The following SORCS2 variants were observed in gnomAD, a reference collection of about 807,000 sequenced individuals.
The protein encoded by SORCS2 is sortilin related VPS10 domain containing receptor 2.
SORCS2 carries 100 observed loss-of-function variants against 141.6 expected under a neutral mutation model. That is an observed-to-expected ratio of 0.71 (90% confidence interval 0.60 to 0.83). SORCS2 has a LOEUF of 0.83. Among genes scored for constraint, SORCS2 ranks in the 40% least tolerant of loss-of-function variants. The probability of loss-of-function intolerance (pLI) is 0.00; values close to 1 mark genes in which losing one functional copy is unlikely to be tolerated. For synonymous variants in SORCS2, 789 were observed against 676.9 expected, an observed-to-expected ratio of 1.17 and a Z score of -2.57; for missense variants, 1,646 against 1,560.2, an observed-to-expected ratio of 1.05 and a Z score of -0.93.
chr4:7,703,333 G>A lies in SORCS2; in HGVS notation c.1722G>A (p.Val574=). 6.2e-7 allele frequency: 1 copy of A among 1,613,406 alleles called. No individual in the cohort carries two copies. Among genetic ancestry groups the A allele is most frequent in the Non-Finnish European group, 8.5e-7 (1 of 1,179,670 alleles). The change falls in exon 13 of 27, where the codon GTG becomes GTA. Residue 574 remains valine, a synonymous_variant. Transcript: ENST00000507866. ...ACCTGGACCACGGCGGCGTGATCGT[G>A]GCCATCAAAGACACCTCCATCCCTT... ...ILYLDHGGVI[V]AIKDTSIPLK...
chr4:7,646,955 G>A (rs2108883638), intron 4 of SORCS2, among the ~76,000 whole-genome samples: 1 of 152,324 alleles, frequency 6.6e-6, no homozygotes, highest in East Asian at 1.9e-4. Flanking sequence ...TGCTACACCA[G>A]AGGGGGTTTG....
chr4:7,358,201 C>G (rs765765154), intron 1 of SORCS2, among the ~76,000 whole-genome samples: 62 of 152,186 alleles, frequency 4.1e-4, no homozygotes, highest in Admixed American at 6.5e-4. Context: ...TGTGGGTGAA[C>G]AGGCCAGCTG....
intron 2 of SORCS2, among the ~76,000 whole-genome samples, chr4:7,427,481 G>A (rs772758339): frequency 6.6e-6 from 1 of 152,168 alleles, no homozygotes; most frequent in Non-Finnish European, 1.5e-5. Context: ...GGGATGAGAC[G>A]GTGGCAGGGG....
intron 18 of SORCS2, among the ~76,000 whole-genome samples, chr4:7,720,247 C>T (rs770715415): frequency 1.3e-5 from 2 of 152,092 alleles, no homozygotes; most frequent in Non-Finnish European, 2.9e-5. Flanking sequence ...GGAATAAACC[C>T]ATATAAATAT....
At chr4:7,586,227 C>T (rs957217416) in intron 3 of SORCS2, among the ~76,000 whole-genome samples, 6 of 152,314 alleles carry the variant, frequency 3.9e-5, no homozygotes, top group Non-Finnish European at 7.3e-5. Flanking sequence ...CCTTCTGCCA[C>T]CTTCTGGGAG....
In SORCS2 at chr4:7,223,295, G is replaced by GCACACA. The variant is rs10553971; in HGVS notation, c.480+30187_480+30192dup. ...AAGAAAAGGACCTTAGTGTATATGC[G>GCACACA]CACACACACACACACACACACACTC... On this transcript the variant is annotated intron_variant, in intron 1 of 26. Transcript: ENST00000507866. Among the ~76,000 whole-genome samples, 591 of 129,742 alleles carry GCACACA rather than the reference G, an allele frequency of 4.6e-3. 1 individual carries two copies. Among genetic ancestry groups the GCACACA allele is most frequent in the Non-Finnish European group, 5.4e-3 (312 of 57,516 alleles). 85.1% of individuals were successfully genotyped at this position (129,742 alleles called of 152,430 possible).
rs192102940 is a variant in SORCS2, at chr4:7,664,415, G to A, written c.1015G>A (p.Ala339Thr). 127 of 1,613,882 alleles carry A rather than the reference G, an allele frequency of 7.9e-5. No homozygotes were observed. The highest frequency in any genetic ancestry group is 3.2e-4 in the Admixed American group (19 of 60,020). ...CSEKMLTAPF[A>T]GPIDHGSLTV... ...CGAGAAGATGCTGACAGCCCCATTC[G>A]CAGGCCCCATTGACCACGGGTCTCT... is the stretch of plus-strand genomic sequence containing the variant. Residue 339 changes from alanine (A) to threonine (T), a missense_variant, in exon 7 of 27, where the codon GCA becomes ACA. Coordinates refer to ENST00000507866, the MANE Select transcript of SORCS2 (RefSeq NM_020777.3). This position sits in a 1 kb window ranked among gnomAD's most constrained non-coding sequence, Gnocchi z 4.7.
At position 7,233,143 on chromosome 4, in the gene SORCS2, C is replaced by T. The variant is rs1184040752; in HGVS notation, c.480+40017C>T. 6.6e-6 allele frequency among the ~76,000 whole-genome samples: 1 copy of T among 152,128 alleles called. No individual in the cohort carries two copies. Among genetic ancestry groups the T allele is most frequent in the Non-Finnish European group, 1.5e-5 (1 of 68,004 alleles). On this transcript the variant is annotated intron_variant, in intron 1 of 26. Transcript: ENST00000507866. The surrounding 1 kb of genome is among the most constrained non-coding windows in gnomAD (Gnocchi z 4.5). ...GCTGGGCTGGGCACAGGCGAGTCCC[C>T]AAGGTACCCGAGGGAGGCCAGGTAC... is the stretch of plus-strand genomic sequence containing the variant.
chr4:7,599,795 A>C (rs559340583), intron 3 of SORCS2, among the ~76,000 whole-genome samples: 14 of 149,618 alleles, frequency 9.4e-5, no homozygotes, highest in Non-Finnish European at 1.2e-4. Flanking sequence ...GCTTCATCCT[A>C]AGAGCTGTGG....
At chr4:7,619,857 G>A (rs1023444445) in intron 3 of SORCS2, among the ~76,000 whole-genome samples, 1 of 152,184 alleles carries the variant, frequency 6.6e-6, no homozygotes, top group Non-Finnish European at 1.5e-5. Context: ...GTTCATGCGT[G>A]TGTGACGTGA....
At chr4:7,323,696 C>T (rs1298613349) in intron 1 of SORCS2, among the ~76,000 whole-genome samples, 1 of 152,114 alleles carries the variant, frequency 6.6e-6, no homozygotes, top group African/African-American at 2.4e-5. Flanking sequence ...TCAGCCCCAT[C>T]TTTCCCTGTC....
chr4:7,281,897 C>G (rs1715910697), intron 1 of SORCS2, among the ~76,000 whole-genome samples: 1 of 152,188 alleles, frequency 6.6e-6, no homozygotes, highest in Non-Finnish European at 1.5e-5. Flanking sequence ...ACCGCATTTT[C>G]CAGGACTCGT....
chr4:7,580,793 T>G (rs1257067692), intron 3 of SORCS2, among the ~76,000 whole-genome samples: 1 of 152,114 alleles, frequency 6.6e-6, no homozygotes, highest in African/African-American at 2.4e-5. Context: ...ATTTCTTCCA[T>G]CGTGTAAAAG....
At chr4:7,549,837 C>A (rs1713546367) in intron 3 of SORCS2, among the ~76,000 whole-genome samples, 1 of 152,196 alleles carries the variant, frequency 6.6e-6, no homozygotes, top group African/African-American at 2.4e-5. Context: ...CCAAGGGCAA[C>A]CATATAACAG....
rs539266801 is a variant in SORCS2 at position 7,466,846 on chromosome 4, G to C, written c.549-64684G>C. Among the ~76,000 whole-genome samples, 417 of 152,298 alleles carry C rather than the reference G, an allele frequency of 2.7e-3. 1 individual carries two copies. The highest frequency in any genetic ancestry group is 9.3e-3 in the African/African-American group (386 of 41,550). On this transcript the variant is annotated intron_variant, in intron 2 of 26. Transcript: ENST00000507866. ...GGCACTTGGGAGGTCCTGGAACCTG[G>C]TTGGACGCTGTCACTTGACCTCTAT... is the stretch of plus-strand genomic sequence containing the variant.
chr4:7,389,831 C>T (rs547972712), intron 1 of SORCS2, among the ~76,000 whole-genome samples: 9 of 152,212 alleles, frequency 5.9e-5, no homozygotes, highest in East Asian at 3.9e-4. Flanking sequence ...GTGCAGTCCG[C>T]GGTAGTGAGA....
At position 7,192,668 on chromosome 4, in the gene SORCS2, C is replaced by A. The variant is rs1204815698; in HGVS notation, c.22C>A (p.Arg8Ser). The A allele has an allele frequency of 2.0e-6, 2 of 987,580 alleles. No homozygotes were observed. The highest frequency in any genetic ancestry group is 9.0e-5 in the South Asian group (2 of 22,168). The allele number at this position is 987,580 out of a possible 1,614,324, so 61.2% of individuals were successfully genotyped here. The change falls in exon 1 of 27, where the codon CGC becomes AGC. Residue 8 changes from arginine (R) to serine (S), a missense_variant. By Grantham distance (110) the Arg-to-Ser change is moderately radical (BLOSUM62 -1). Coordinates refer to ENST00000507866, the MANE Select transcript of SORCS2 (RefSeq NM_020777.3). This position sits in a 1 kb window ranked among gnomAD's most constrained non-coding sequence, Gnocchi z 4.0. ...GACCATGGCGCACCGGGGGCCCTCG[C>A]GCGCCTCGAAGGGCCCCGGCCCCAC... Reference protein sequence around the residue: MAHRGPSRASKGPGPTAR... With the variant: MAHRGPSSASKGPGPTAR...
At chr4:7,339,569 T>A (rs1469016152) in intron 1 of SORCS2, among the ~76,000 whole-genome samples, 1 of 152,312 alleles carries the variant, frequency 6.6e-6, no homozygotes, top group East Asian at 1.9e-4. Context: ...TCTGCCTGCA[T>A]CTTCACACGG....
chr4:7,327,727 G>A (rs1376783693), intron 1 of SORCS2, among the ~76,000 whole-genome samples: 3 of 152,186 alleles, frequency 2.0e-5, no homozygotes, highest in Non-Finnish European at 4.4e-5. Flanking sequence ...TGTCCTTCGA[G>A]GCCCAGCCTC....
Sources: allele counts gnomAD v4.1 joint callset (sites outside exome capture counted in the v4.1 genomes callset), GRCh38; gene constraint gnomAD v4.1.1; non-coding constraint Gnocchi (gnomAD v3.1); transcripts MANE v1.5; gene names NCBI Gene and HGNC (gene_info 2026-07-23, HGNC 2026-07-21).